EHBP1: variants seen among roughly 807,000 people sequenced by gnomAD.
EHBP1 encodes the protein EH domain-binding protein 1.
In EHBP1, 55 loss-of-function variants were observed where a neutral mutation model predicts 144.0. The observed-to-expected ratio is 0.38, with a 90% confidence interval of 0.31 to 0.48. The LOEUF is 0.48. Ranked by LOEUF, EHBP1 falls within the 20% of genes least tolerant of loss-of-function variation. The pLI, the probability that EHBP1 is intolerant of heterozygous loss-of-function variation, is 0.98. For missense variants in EHBP1, 1,200 were observed against 1,364.2 expected, an observed-to-expected ratio of 0.88 and a Z score of 1.90; for synonymous variants, 469 against 472.7, an observed-to-expected ratio of 0.99 and a Z score of 0.10.
In EHBP1 at chr2:62,861,350, G is replaced by A. The variant is rs184008436; in HGVS notation, c.757+2059G>A. Among the ~76,000 whole-genome samples, 16 of 151,452 alleles carry A rather than the reference G, an allele frequency of 1.1e-4. No homozygotes were observed. The East Asian group carries it at 3.0e-3, about 28-fold the overall frequency. On this transcript the variant is annotated intron_variant, in intron 8 of 22. Coordinates refer to ENST00000431489, the MANE Select transcript of EHBP1 (RefSeq NM_001142616.3). ...TCGCCATGTCGGCCAGGATGGTCTCGATTTCCTGACCTTGTAATCGGCCCA... is the reference window on the plus strand; with the variant it reads ...TCGCCATGTCGGCCAGGATGGTCTCAATTTCCTGACCTTGTAATCGGCCCA...
At position 62,749,025 on chromosome 2, in the gene EHBP1, T is replaced by G. The variant is rs2039421166; in HGVS notation, c.162+1573T>G. Among the ~76,000 whole-genome samples, 3 of 152,216 alleles carry G rather than the reference T, an allele frequency of 2.0e-5. No homozygotes were observed. In the South Asian group the frequency reaches 6.2e-4, roughly 31 times the overall value. On this transcript the variant is annotated intron_variant, in intron 3 of 22. Transcript: ENST00000431489. ...ATACTTTTAAGTTCTAGGGTACATGTGCACAACGTGCAGGTTTGTTACATA... is the reference window on the plus strand; with the variant it reads ...ATACTTTTAAGTTCTAGGGTACATGGGCACAACGTGCAGGTTTGTTACATA...
chr2:62,999,302 TGA>T, intron 19 of EHBP1, among the ~76,000 whole-genome samples: 1 of 152,212 alleles, frequency 6.6e-6, no homozygotes, highest in Non-Finnish European at 1.5e-5. Flanking sequence ...TTGTAGATAC[TGA>T]CTATATTCAG....
At chr2:62,788,135 G>A (rs2042937045) in intron 5 of EHBP1, among the ~76,000 whole-genome samples, 1 of 152,028 alleles carries the variant, frequency 6.6e-6, no homozygotes, top group Admixed American at 6.6e-5. Context: ...TTCTTTCATA[G>A]ACAAATGATG....
chr2:62,961,427 T>C (rs2057996025), intron 14 of EHBP1, among the ~76,000 whole-genome samples: 1 of 152,210 alleles, frequency 6.6e-6, no homozygotes, highest in Non-Finnish European at 1.5e-5. Context: ...GCTCTGGGTC[T>C]GTATTTTATG....
intron 8 of EHBP1, among the ~76,000 whole-genome samples, chr2:62,862,662 G>T (rs993359232): frequency 2.0e-5 from 3 of 152,142 alleles, no homozygotes; most frequent in African/African-American, 7.2e-5. Flanking sequence ...TAAAATTTTT[G>T]TAATAATCAG....
chr2:62,995,895 A>G (rs1207820600), intron 18 of EHBP1, among the ~76,000 whole-genome samples: 2 of 152,112 alleles, frequency 1.3e-5, no homozygotes, highest in Non-Finnish European at 2.9e-5. Flanking sequence ...TCAAAAAGTA[A>G]ATTTTCAAAT....
chr2:63,016,555 C>T (rs566404755), intron 19 of EHBP1, among the ~76,000 whole-genome samples: 1 of 151,968 alleles, frequency 6.6e-6, no homozygotes, highest in Admixed American at 6.5e-5. Flanking sequence ...CTCAGCCCCC[C>T]GAGTACCTGG....
At chr2:62,998,662 A>G (rs1418055769) in intron 19 of EHBP1, among the ~76,000 whole-genome samples, 2 of 152,180 alleles carry the variant, frequency 1.3e-5, no homozygotes, top group African/African-American at 4.8e-5. Flanking sequence ...TCACTAGTCA[A>G]GCTTTGAAAT....
intron 19 of EHBP1, among the ~76,000 whole-genome samples, chr2:63,019,108 A>C (rs2060596377): frequency 6.6e-6 from 1 of 152,186 alleles, no homozygotes; most frequent in Non-Finnish European, 1.5e-5. Flanking sequence ...AAACTTTTAT[A>C]TCCATTAAAA....
chr2:62,929,259 G>C (rs968630091), intron 10 of EHBP1, among the ~76,000 whole-genome samples: 3 of 152,132 alleles, frequency 2.0e-5, no homozygotes, highest in Non-Finnish European at 2.9e-5. Context: ...TGATACCAAA[G>C]CCAGACAAAC....
intron 4 of EHBP1, among the ~76,000 whole-genome samples, chr2:62,766,311 A>G (rs1438934029): frequency 1.3e-5 from 2 of 152,296 alleles, no homozygotes; most frequent in South Asian, 2.1e-4. Flanking sequence ...AGAATGCTGC[A>G]GTCACGTTCA....
intron 10 of EHBP1, among the ~76,000 whole-genome samples, chr2:62,899,389 C>T (rs1281882011): frequency 1.3e-5 from 2 of 152,182 alleles, no homozygotes; most frequent in African/African-American, 2.4e-5. Flanking sequence ...GGGCAGTGCA[C>T]ATTTTGTAAT....
chr2:62,964,727 A>G (rs1041493162), intron 14 of EHBP1, among the ~76,000 whole-genome samples: 2 of 152,206 alleles, frequency 1.3e-5, no homozygotes, highest in East Asian at 1.9e-4. Flanking sequence ...TTCATAATCT[A>G]TTAGAACTTT....
At chr2:62,872,992 A>T (rs2152840368) in intron 9 of EHBP1, among the ~76,000 whole-genome samples, 1 of 152,328 alleles carries the variant, frequency 6.6e-6, no homozygotes, top group African/African-American at 2.4e-5. Context: ...GTGCCAGCAC[A>T]CTGTTGTCTC....
At chr2:62,713,160 G>A (rs868293803) in intron 2 of EHBP1, among the ~76,000 whole-genome samples, 8 of 151,974 alleles carry the variant, frequency 5.3e-5, no homozygotes, top group Non-Finnish European at 1.2e-4. Context: ...GAATTTAGAG[G>A]CCAATGTGTG....
intron 2 of EHBP1, among the ~76,000 whole-genome samples, chr2:62,716,770 C>G (rs998173536): frequency 6.6e-6 from 1 of 152,206 alleles, no homozygotes; most frequent in Non-Finnish European, 1.5e-5. Flanking sequence ...AGGTCCCTTT[C>G]CTCTTCCCGA....
chr2:62,805,749 TCAAA>T (rs1377776818), intron 5 of EHBP1, among the ~76,000 whole-genome samples: 1 of 152,150 alleles, frequency 6.6e-6, no homozygotes, highest in Non-Finnish European at 1.5e-5. Flanking sequence ...GCTCCTGACC[TCAAA>T]CAGTCTGCCT....
chr2:63,011,344 A>C (rs1029871899), intron 19 of EHBP1, among the ~76,000 whole-genome samples: 1 of 151,884 alleles, frequency 6.6e-6, no homozygotes, highest in African/African-American at 2.4e-5. Flanking sequence ...ACTTGTGAAG[A>C]AGCTTCAAGT....
Position 63,038,733 on chromosome 2 carries a change from A to G in EHBP1, c.3204-10A>G. On this transcript the variant is annotated splice_polypyrimidine_tract_variant and intron_variant, in intron 20 of 22. Coordinates refer to ENST00000431489, the MANE Select transcript of EHBP1 (RefSeq NM_001142616.3). ...ATTAGCATATTGATGAACTTTTGCA[A>G]CTTGCCCAGGGAAAAAGAACATGAT... The G allele has an allele frequency of 1.2e-6, 2 of 1,612,862 alleles. No individual in the cohort carries two copies. The highest frequency in any genetic ancestry group is 2.2e-5 in the East Asian group (1 of 44,850).
Sources: gnomAD v4.1 joint callset for allele counts (sites outside exome capture counted in the v4.1 genomes callset) on GRCh38, gnomAD v4.1.1 for gene constraint, MANE v1.5 for transcripts, NCBI Gene and HGNC (gene_info 2026-07-23, HGNC 2026-07-21) for gene names.